The following RIMOC1 variants were observed in gnomAD, a reference collection of about 807,000 sequenced individuals.
The protein encoded by RIMOC1 is RAB7A interacting MON1-CCZ1 complex subunit 1.
the RIMOC1 span, among the ~76,000 whole-genome samples, chr5:41,908,916 C>T: frequency 2.6e-5 from 4 of 152,132 alleles, no homozygotes; most frequent in Non-Finnish European, 4.4e-5. Flanking sequence ...GCCTTTCGCA[C>T]GATAACATTT....
At chr5:41,904,563 C>T in the RIMOC1 span, 9 of 1,200,656 alleles carry the variant, frequency 7.5e-6, no homozygotes, top group African/African-American at 1.2e-4. Flanking sequence ...GCCTGTGTTC[C>T]TTTGGGTCCC....
chr5:41,916,500 A>C, the RIMOC1 span: 5 of 949,922 alleles, frequency 5.3e-6, no homozygotes, highest in African/African-American at 7.1e-5. Context: ...AATTGTATGG[A>C]CTCTCAGGCA....
chr5:41,918,023 A>C, the RIMOC1 span: 2 of 985,470 alleles, frequency 2.0e-6, no homozygotes, highest in African/African-American at 1.7e-5. Flanking sequence ...TTTGTAGCAC[A>C]TCTTTTCATA....
the RIMOC1 span, among the ~76,000 whole-genome samples, chr5:41,905,897 G>C: frequency 6.6e-6 from 1 of 152,178 alleles, no homozygotes; most frequent in Admixed American, 6.5e-5. Flanking sequence ...AAAATAAAAT[G>C]ACAATGTTAG....
At chr5:41,906,265 G>A in the RIMOC1 span, among the ~76,000 whole-genome samples, 1 of 152,248 alleles carries the variant, frequency 6.6e-6, no homozygotes, top group Middle Eastern at 3.4e-3. Context: ...TCATGAGGGA[G>A]TTTTTCCACA....
chr5:41,918,328 A>G, the RIMOC1 span: 2 of 985,422 alleles, frequency 2.0e-6, no homozygotes, highest in Non-Finnish European at 2.4e-6. Flanking sequence ...TCACTTCCTT[A>G]TTTTATTGAC....
the RIMOC1 span, chr5:41,912,191 G>T: frequency 6.8e-7 from 1 of 1,465,648 alleles, no homozygotes; most frequent in Non-Finnish European, 9.4e-7. Context: ...CAGGTAATGT[G>T]ATCTCTCATT....
At chr5:41,918,495 ATTC>A in the RIMOC1 span, 2 of 985,308 alleles carry the variant, frequency 2.0e-6, no homozygotes, top group Non-Finnish European at 2.4e-6. Flanking sequence ...CTCACCAGTT[ATTC>A]TTCTTTCCCT....
chr5:41,906,357 A>G, the RIMOC1 span, among the ~76,000 whole-genome samples: 1 of 152,268 alleles, frequency 6.6e-6, no homozygotes, highest in South Asian at 2.1e-4. Flanking sequence ...ACTGCATTTT[A>G]TGGGCTTTTC....
chr5:41,912,202 A>C, the RIMOC1 span: 1 of 1,394,076 alleles, frequency 7.2e-7, no homozygotes, highest in Non-Finnish European at 1.0e-6. Flanking sequence ...ATCTCTCATT[A>C]AATTTTCTAA....
chr5:41,907,940 A>G, the RIMOC1 span: 5 of 726,732 alleles, frequency 6.9e-6, no homozygotes, highest in African/African-American at 3.7e-5. Flanking sequence ...AGTTTATTCT[A>G]TATTTCAAGT....
chr5:41,909,405 T>C, the RIMOC1 span, among the ~76,000 whole-genome samples: 1 of 152,028 alleles, frequency 6.6e-6, no homozygotes, highest in Non-Finnish European at 1.5e-5. Context: ...ATTTAGAAAA[T>C]TTTCAGGGGT....
chr5:41,918,842 C>T, the RIMOC1 span: 1 of 872,330 alleles, frequency 1.1e-6, no homozygotes, highest in Non-Finnish European at 1.4e-6. Flanking sequence ...TACTCATTTT[C>T]CCATTTTAGA....
chr5:41,911,233 A>C, the RIMOC1 span: 1 of 1,549,698 alleles, frequency 6.5e-7, no homozygotes, highest in Non-Finnish European at 8.7e-7. Flanking sequence ...AGGTTTCAAA[A>C]AGCTGTCTTT....
the RIMOC1 span, chr5:41,921,499 A>G: frequency 1.3e-5 from 2 of 151,320 alleles, no homozygotes; most frequent in African/African-American, 2.4e-5. Context: ...ATTAAGATAC[A>G]TTTAATATAG....
the RIMOC1 span, chr5:41,917,821 A>C: frequency 1.2e-6 from 1 of 841,750 alleles, no homozygotes; most frequent in Non-Finnish European, 1.4e-6. Flanking sequence ...GAAAGATCTC[A>C]CAAAGGAATC....
At chr5:41,916,788 G>C in the RIMOC1 span, among the ~76,000 whole-genome samples, 1 of 151,980 alleles carries the variant, frequency 6.6e-6, no homozygotes, top group South Asian at 2.1e-4. Context: ...AAATTCTCTG[G>C]TACTCTGTTT....
chr5:41,909,622 A>G, the RIMOC1 span: 1 of 540,910 alleles, frequency 1.8e-6, no homozygotes, highest in Non-Finnish European at 3.0e-6. Context: ...TCTCAAATTT[A>G]CATACTGAGC....
the RIMOC1 span, chr5:41,912,121 C>T: frequency 5.7e-3 from 9,219 of 1,612,010 alleles, 37 homozygotes; most frequent in Admixed American, 8.3e-3. Flanking sequence ...TATCGATGTC[C>T]TATCCAGTTA....
Sources: gnomAD v4.1 joint callset for allele counts (sites outside exome capture counted in the v4.1 genomes callset) on GRCh38, gnomAD v4.1.1 for gene constraint, MANE v1.5 for transcripts, NCBI Gene and HGNC (gene_info 2026-07-23, HGNC 2026-07-21) for gene names.